Variants in PCDH15 observed in about 807,000 individuals in gnomAD.
PCDH15 encodes protocadherin-15.
In PCDH15, 129 loss-of-function variants were observed where a neutral mutation model predicts 178.5. The observed-to-expected ratio is 0.72, with a 90% CI of 0.63 to 0.84. The LOEUF is 0.84. Ranked by LOEUF, PCDH15 falls within the 40% of genes least tolerant of loss-of-function variation. The pLI is 0.00. For synonymous variants in PCDH15, 800 were observed against 732.0 expected (o/e 1.09, Z -1.50); for missense variants, 2,230 against 2,099.9 (o/e 1.06, Z -1.21).
chr10:55,277,880 A>G (rs902544790), intron 1 of PCDH15, among the ~76,000 whole-genome samples: 3 of 152,104 alleles, frequency 2.0e-5, no homozygotes, highest in African/African-American at 4.8e-5. Context: ...AGAGAAAACA[A>G]TATCTTGAAA....
intron 2 of PCDH15, among the ~76,000 whole-genome samples, chr10:55,438,197 T>C (rs1047661117): frequency 1.3e-5 from 1 of 79,954 alleles, no homozygotes; most frequent in Non-Finnish European, 2.1e-5. Context: ...AAAAAGAACA[T>C]GTTATACACA....
At chr10:53,893,926 T>C (rs1353234807) in intron 26 of PCDH15, among the ~76,000 whole-genome samples, 1 of 152,160 alleles carries the variant, frequency 6.6e-6, no homozygotes, top group African/African-American at 2.4e-5. Flanking sequence ...AAACCACTTG[T>C]TCTCCCCAAA....
chr10:54,505,222 C>T (rs2081065912), intron 3 of PCDH15, among the ~76,000 whole-genome samples: 1 of 152,002 alleles, frequency 6.6e-6, no homozygotes, highest in South Asian at 2.1e-4. Context: ...TCATATGCCT[C>T]TTATCAAAGG....
intron 2 of PCDH15, among the ~76,000 whole-genome samples, chr10:54,598,586 G>C (rs1427434622): frequency 1.3e-5 from 2 of 151,986 alleles, no homozygotes; most frequent in East Asian, 3.9e-4. Context: ...TTCTCCACTT[G>C]CTATTTCTAT....
intron 20 of PCDH15, among the ~76,000 whole-genome samples, chr10:54,017,197 G>T (rs11004004): frequency 0.42 from 63,401 of 151,408 alleles, 14,479 homozygotes; most frequent in Middle Eastern, 0.64. Flanking sequence ...CTAATTTTTT[G>T]TATTTTTAAT....
chr10:54,654,684 A>G (rs2094336822), intron 2 of PCDH15, among the ~76,000 whole-genome samples: 1 of 152,236 alleles, frequency 6.6e-6, no homozygotes, highest in Admixed American at 6.5e-5. Flanking sequence ...CTCAGAGCCA[A>G]GCAAGTTTAT....
chr10:55,338,689 A>C (rs1355484494), intron 2 of PCDH15, among the ~76,000 whole-genome samples: 3 of 152,050 alleles, frequency 2.0e-5, no homozygotes, highest in Non-Finnish European at 4.4e-5. Context: ...AATCGCTTGG[A>C]CCCAGGAGGG....
chr10:55,188,684 T>A lies in PCDH15; in HGVS notation c.-155-22033A>T, dbSNP rs527932252. The stretch of plus-strand genomic sequence containing the variant: ...CCAAACTTTTACAGTATCCTTTTTT[T>A]AAAAAAAATAAAGTTATGGTCCTTT... On this transcript the variant is annotated intron_variant, in intron 1 of 5. Transcript: ENST00000458638. Among the ~76,000 whole-genome samples the A allele has an allele frequency of 2.8e-4, 42 of 151,834 alleles. 1 individual carries two copies. In the South Asian group the frequency reaches 2.9e-3, roughly 10 times the overall value.
At chr10:55,606,971 T>C (rs1359872954) in intron 2 of PCDH15, among the ~76,000 whole-genome samples, 3 of 148,630 alleles carry the variant, frequency 2.0e-5, no homozygotes, top group Non-Finnish European at 1.5e-5. Flanking sequence ...ACCTACAAAA[T>C]GGGAGAAAAT....
intron 1 of PCDH15, among the ~76,000 whole-genome samples, chr10:55,180,935 T>C (rs1324365222): frequency 6.6e-6 from 1 of 151,622 alleles, no homozygotes; most frequent in African/African-American, 2.4e-5. Context: ...GGGGGAAAAC[T>C]CAGAGAAAAA....
At chr10:54,609,627 G>A (rs1416627672) in intron 2 of PCDH15, among the ~76,000 whole-genome samples, 2 of 151,916 alleles carry the variant, frequency 1.3e-5, no homozygotes, top group Non-Finnish European at 2.9e-5. Context: ...GATTAATGCT[G>A]CTACTGAAAG....
chr10:55,219,274 T>C (rs1365376279), intron 1 of PCDH15, among the ~76,000 whole-genome samples: 1 of 151,970 alleles, frequency 6.6e-6, no homozygotes, highest in African/African-American at 2.4e-5. Context: ...TCATGATCAC[T>C]ATGTATGCCT....
At chr10:53,811,738 T>C in intron 35 of PCDH15, 119 bp from the exon 36 acceptor site, 2 of 537,078 alleles carry the variant, frequency 3.7e-6, no homozygotes, top group Non-Finnish European at 6.4e-6. Context: ...AAAATAACTT[T>C]AAATACAAGT....
At chr10:55,041,790 A>G (rs529182514) in intron 2 of PCDH15, among the ~76,000 whole-genome samples, 2 of 152,258 alleles carry the variant, frequency 1.3e-5, no homozygotes, top group East Asian at 3.9e-4. Flanking sequence ...TTAGAAATAA[A>G]CTTTTTTAGA....
At chr10:54,732,578 G>A (rs578046249) in intron 1 of PCDH15, among the ~76,000 whole-genome samples, 1 of 151,500 alleles carries the variant, frequency 6.6e-6, no homozygotes, top group African/African-American at 2.4e-5. Flanking sequence ...AATTTTGTCT[G>A]GATGGACTCA....
intron 3 of PCDH15, among the ~76,000 whole-genome samples, chr10:54,813,236 C>T (rs190298472): frequency 4.6e-4 from 70 of 152,230 alleles, no homozygotes; most frequent in African/African-American, 1.6e-3. Flanking sequence ...TCAACCTTGT[C>T]TTTCTCCCTA....
chr10:55,253,255 T>A (rs200047553), intron 1 of PCDH15, among the ~76,000 whole-genome samples: 78,324 of 151,060 alleles, frequency 0.52, 20,626 homozygotes, highest in South Asian at 0.6. Context: ...TGTGCGTGTG[T>A]GTGTGTGTGT....
At chr10:55,276,039 A>G (rs1467537804) in intron 1 of PCDH15, among the ~76,000 whole-genome samples, 1 of 151,228 alleles carries the variant, frequency 6.6e-6, no homozygotes. Flanking sequence ...ACTTAAGTAT[A>G]AATTCTAACT....
At chr10:54,693,403 T>C (rs1591093067) in intron 1 of PCDH15, among the ~76,000 whole-genome samples, 1 of 152,292 alleles carries the variant, frequency 6.6e-6, no homozygotes, top group Non-Finnish European at 1.5e-5. Flanking sequence ...TAATATATCA[T>C]GTTCATATAT....
Sources: allele counts gnomAD v4.1 joint callset (sites outside exome capture counted in the v4.1 genomes callset), GRCh38; gene constraint gnomAD v4.1.1; transcripts MANE v1.5; gene names NCBI Gene and HGNC (gene_info 2026-07-23, HGNC 2026-07-21).